The following AKR1C2 variants were observed in gnomAD, a reference collection of about 807,000 sequenced individuals.
AKR1C2 encodes the protein 3-alpha-HSD3.
Under a neutral mutation model 39.8 loss-of-function variants are expected in AKR1C2, and 27 were observed. That is an observed-to-expected ratio of 0.68 (90% CI 0.50 to 0.93). The LOEUF is 0.93. Among genes scored for constraint, AKR1C2 ranks in the 40% least tolerant of loss-of-function variants. AKR1C2 has a pLI of 0.00. For missense variants in AKR1C2, 263 were observed against 365.1 expected (o/e 0.72, Z 2.28); for synonymous variants, 114 against 137.9 (o/e 0.83, Z 1.22).
Position 4,988,005 on chromosome 10 carries a change from A to AC in AKR1C2, c.*1990dup, listed in dbSNP as rs1836718615. On this transcript the variant is annotated 3_prime_UTR_variant, in exon 9 of 9. Coordinates refer to ENST00000380753, the MANE Select transcript of AKR1C2 (RefSeq NM_001393392.1). ...GTTTGGCTTTATGAAATTCTGAGTA[A>AC]CTTTTTTTTTTTAACAATAAGAGTT... is the stretch of plus-strand genomic sequence containing the variant. 7.2e-6 allele frequency: 1 copy of AC among 139,488 alleles called. No individual in the cohort carries two copies. The allele number at this position is 139,488 out of a possible 1,614,324, so 8.6% of individuals were successfully genotyped here. A position where few individuals can be genotyped will look rare whatever the true frequency, so the allele number is the denominator to read the frequency against.
At chr10:5,017,011 G>A (rs1474021889) in intron 1 of AKR1C2, among the ~76,000 whole-genome samples, 22 of 152,200 alleles carry the variant, frequency 1.4e-4, no homozygotes, top group Admixed American at 1.4e-3. Flanking sequence ...GGTATGCAGG[G>A]TGCCATGTCC....
At chr10:4,994,391 G>A (rs2131678668) in intron 7 of AKR1C2, among the ~76,000 whole-genome samples, 1 of 152,200 alleles carries the variant, frequency 6.6e-6, no homozygotes, top group African/African-American at 2.4e-5. Flanking sequence ...CACTTGCTTG[G>A]CTATATGAAT....
chr10:5,007,601 G>C (rs1248948290), upstream of AKR1C2: 2 of 149,850 alleles, frequency 1.3e-5, no homozygotes, highest in Non-Finnish European at 3.0e-5. Flanking sequence ...AATATTGTTA[G>C]TTGAGGATAT....
chr10:4,990,877 C>G (rs1168521107), intron 8 of AKR1C2, among the ~76,000 whole-genome samples: 1 of 151,176 alleles, frequency 6.6e-6, no homozygotes. Context: ...TTATCATTTC[C>G]ATTTTCATTT....
chr10:5,003,857 C>A lies in AKR1C2; in HGVS notation c.-22G>T. Reference sequence around the variant, plus strand: ...CCATTTCTGTCACTGGCCTGGTTAGCAAATGTTTCTTCCTCCCTCACAGGC... The same window carrying A: ...CCATTTCTGTCACTGGCCTGGTTAGAAAATGTTTCTTCCTCCCTCACAGGC... On this transcript the variant is annotated 5_prime_UTR_variant, in exon 1 of 9. Coordinates refer to ENST00000380753, the MANE Select transcript of AKR1C2 (RefSeq NM_001393392.1). 1 of 1,613,904 alleles carries A rather than the reference C, an allele frequency of 6.2e-7. No homozygotes were observed. Among genetic ancestry groups the A allele is most frequent in the Non-Finnish European group, 8.5e-7 (1 of 1,179,848 alleles).
intron 1 of AKR1C2, chr10:5,010,540 G>A (rs1248913407): frequency 6.6e-6 from 1 of 151,994 alleles, no homozygotes; most frequent in Non-Finnish European, 1.5e-5. Context: ...GAAGAAGAGG[G>A]GCTGCCACAT....
At chr10:4,995,602 C>T in intron 6 of AKR1C2, 118 bp from the exon 7 acceptor site, 1 of 1,204,922 alleles carries the variant, frequency 8.3e-7, no homozygotes, top group East Asian at 2.7e-5. Flanking sequence ...GGCCCCCGAA[C>T]AGCAGCCTCA....
chr10:4,995,090 A>T (rs1332001137), intron 7 of AKR1C2, among the ~76,000 whole-genome samples: 9 of 92,468 alleles, frequency 9.7e-5, no homozygotes, highest in Admixed American at 3.3e-4. Context: ...GATATCACTG[A>T]CTTAACGCTA....
At chr10:5,000,505 G>A in intron 3 of AKR1C2, 45 bp downstream of exon 3, 1 of 1,613,242 alleles carries the variant, frequency 6.2e-7, no homozygotes, top group Non-Finnish European at 8.5e-7. Context: ...CAATATTTAT[G>A]CTGAGAACAA....
At chr10:5,009,619 C>T (rs111864068) in intron 1 of AKR1C2, among the ~76,000 whole-genome samples, 10,099 of 151,922 alleles carry the variant, frequency 0.066, 398 homozygotes, top group Middle Eastern at 0.12. Context: ...AGCAAAGGCC[C>T]CCACCTTTAA....
Position 4,989,887 on chromosome 10 carries a change from G to A in AKR1C2, c.*109C>T. 3 of 1,448,540 alleles carry A rather than the reference G, an allele frequency of 2.1e-6. No individual in the cohort carries two copies. Among genetic ancestry groups the A allele is most frequent in the African/African-American group, 1.4e-5 (1 of 69,646 alleles). 89.7% of individuals were successfully genotyped at this position (1,448,540 alleles called of 1,614,324 possible). On this transcript the variant is annotated 3_prime_UTR_variant, in exon 9 of 9. Coordinates refer to ENST00000380753, the MANE Select transcript of AKR1C2 (RefSeq NM_001393392.1). ...TGTAGCTTACTGAAGTCGCCAAGCA[G>A]GAGAGATTTAACCAGAGGCGATGTG...
At chr10:5,015,639 G>A (rs1157878823) in intron 1 of AKR1C2, among the ~76,000 whole-genome samples, 2 of 152,140 alleles carry the variant, frequency 1.3e-5, no homozygotes, top group African/African-American at 4.8e-5. Context: ...AATGTAAGGT[G>A]TTGCAAACCC....
At chr10:5,007,052 A>T (rs55829146), upstream of AKR1C2, among the ~76,000 whole-genome samples, 1 of 146,128 alleles carries the variant, frequency 6.8e-6, no homozygotes, top group African/African-American at 2.5e-5. Context: ...GATTACAGGC[A>T]TTAGCCACTG....
chr10:5,017,870 G>C (rs1232835484), intron 1 of AKR1C2: 4 of 152,964 alleles, frequency 2.6e-5, no homozygotes, highest in African/African-American at 7.2e-5. Flanking sequence ...TGTACAGAAG[G>C]CATGGCACGG....
intron 1 of AKR1C2, among the ~76,000 whole-genome samples, chr10:5,012,815 A>G (rs1554775025): frequency 6.6e-6 from 1 of 152,200 alleles, no homozygotes; most frequent in African/African-American, 2.4e-5. Flanking sequence ...CTCCTGCATC[A>G]TCAATTTTTC....
At chr10:4,990,555 A>G (rs1836804824) in intron 8 of AKR1C2, among the ~76,000 whole-genome samples, 1 of 152,210 alleles carries the variant, frequency 6.6e-6, no homozygotes, top group Non-Finnish European at 1.5e-5. Flanking sequence ...TTAGAAACGT[A>G]AATTATTGTT....
intron 3 of AKR1C2, chr10:5,000,215 G>C: frequency 1.4e-6 from 2 of 1,430,618 alleles, no homozygotes; most frequent in East Asian, 2.5e-5. Flanking sequence ...ACAGCTTCAT[G>C]AAACTCTGTG....
At position 4,988,862 on chromosome 10, in the gene AKR1C2, A is replaced by C. The variant is rs544193076; in HGVS notation, c.*1134T>G. On this transcript the variant is annotated 3_prime_UTR_variant, in exon 9 of 9. Transcript: ENST00000380753. ...TTAGTTCCCCTGAAAATTATGTATA[A>C]GAATTAAATGCCTTTGTAAGAGTTC... 1 of 152,100 alleles carries C rather than the reference A, an allele frequency of 6.6e-6. No individual in the cohort carries two copies. Among genetic ancestry groups the C allele is most frequent in the African/African-American group, 2.4e-5 (1 of 41,472 alleles). 9.4% of individuals were successfully genotyped at this position (152,100 alleles called of 1,614,324 possible).
intron 1 of AKR1C2, among the ~76,000 whole-genome samples, chr10:5,009,355 A>G (rs1390109584): frequency 6.6e-6 from 1 of 152,030 alleles, no homozygotes; most frequent in Non-Finnish European, 1.5e-5. Context: ...TTATTTTACT[A>G]TTGCTCAATA....
Sources: gnomAD v4.1 joint callset for allele counts (sites outside exome capture counted in the v4.1 genomes callset) on GRCh38, gnomAD v4.1.1 for gene constraint, MANE v1.5 for transcripts, NCBI Gene and HGNC (gene_info 2026-07-23, HGNC 2026-07-21) for gene names.